The following TP63 variants were observed in gnomAD, a reference collection of about 807,000 sequenced individuals.
TP63 encodes the protein tumor protein 63.
In TP63, 17 loss-of-function variants were observed where a neutral mutation model predicts 82.8. The ratio of observed to expected loss-of-function variants is 0.21; its 90% CI spans 0.14 to 0.31. The LOEUF (loss-of-function observed/expected upper bound fraction) is 0.31, where lower values mean the gene tolerates loss of function less well. TP63 is among the 10% of genes least tolerant of loss of function. TP63 has a pLI of 1.00. For missense variants in TP63, 648 were observed against 895.3 expected, an observed-to-expected ratio of 0.72 and a Z score of 3.52; for synonymous variants, 330 against 321.7, an observed-to-expected ratio of 1.03 and a Z score of -0.28.
chr3:189,755,615 AT>A (rs753614398), intron 3 of TP63, among the ~76,000 whole-genome samples: 4 of 152,288 alleles, frequency 2.6e-5, no homozygotes, highest in East Asian at 3.9e-4. Flanking sequence ...TAAGAAAAAA[AT>A]ATTTAAATAT....
chr3:189,697,647 C>T (rs1370880684), intron 1 of TP63, among the ~76,000 whole-genome samples: 1 of 151,962 alleles, frequency 6.6e-6, no homozygotes, highest in Non-Finnish European at 1.5e-5. Context: ...TTGGGAGGAG[C>T]TAACATCTAG....
At chr3:189,611,691 G>A in the TP63 span, among the ~76,000 whole-genome samples, 1 of 152,148 alleles carries the variant, frequency 6.6e-6, no homozygotes, top group East Asian at 1.9e-4. Flanking sequence ...GATAGGAATA[G>A]CATTGTATCT....
intron 3 of TP63, among the ~76,000 whole-genome samples, chr3:189,743,414 T>C (rs1388101164): frequency 6.6e-6 from 1 of 152,176 alleles, no homozygotes; most frequent in Non-Finnish European, 1.5e-5. Flanking sequence ...ATTTATTTAA[T>C]TTTAAAGACA....
chr3:189,715,780 C>T lies in TP63; in HGVS notation c.63-21960C>T, dbSNP rs187765511. Among the ~76,000 whole-genome samples the T allele has an allele frequency of 2.9e-3, 443 of 152,222 alleles. 1 individual carries two copies. The highest frequency in any genetic ancestry group is 0.01 in the African/African-American group (422 of 41,534). ...ATAAATTTCTGTGCACTGATTTGGT[C>T]TGTTTGTTTTTCTTTTGTTAGAAAA... On this transcript the variant is annotated intron_variant, in intron 1 of 13. Coordinates refer to ENST00000264731, the MANE Select transcript of TP63 (RefSeq NM_003722.5).
At chr3:189,771,297 TA>T (rs1293306374) in intron 3 of TP63, among the ~76,000 whole-genome samples, 2 of 139,054 alleles carry the variant, frequency 1.4e-5, no homozygotes, top group Admixed American at 7.8e-5. Flanking sequence ...ATATATATTA[TA>T]TTTATATATA....
At position 189,896,122 on chromosome 3, in the gene TP63, T is replaced by C. The variant is rs34328757; in HGVS notation, c.*1620T>C. On this transcript the variant is annotated 3_prime_UTR_variant, in exon 14 of 14. Coordinates refer to ENST00000264731, the MANE Select transcript of TP63 (RefSeq NM_003722.5). ...TTTTTGCATGCATGCAAATGAGCTC[T>C]GAAATCTTCCCATGCATTCTGGTCA... 8.7e-3 allele frequency: 1,917 copies of C among 219,906 alleles called. 12 individuals are homozygous for C. Among genetic ancestry groups the C allele is most frequent in the Non-Finnish European group, 0.011 (1,188 of 109,346 alleles). 13.6% of individuals were successfully genotyped at this position (219,906 alleles called of 1,614,324 possible).
chr3:189,791,142 T>G (rs1183060242), intron 3 of TP63, among the ~76,000 whole-genome samples: 1 of 152,156 alleles, frequency 6.6e-6, no homozygotes, highest in Non-Finnish European at 1.5e-5. Context: ...CTTGATTCTA[T>G]TGGATCCAAT....
chr3:189,705,021 A>C (rs1718095452), intron 1 of TP63, among the ~76,000 whole-genome samples: 1 of 152,198 alleles, frequency 6.6e-6, no homozygotes, highest in African/African-American at 2.4e-5. Context: ...ATGATTTTTA[A>C]ATTTACATTC....
intron 3 of TP63, among the ~76,000 whole-genome samples, chr3:189,795,533 C>G (rs62279942): frequency 0.046 from 6,926 of 152,012 alleles, 209 homozygotes; most frequent in Admixed American, 0.076. Flanking sequence ...GGAGGAAAGA[C>G]ATTCTATGTA....
At chr3:189,735,008 T>C (rs1295332675) in intron 1 of TP63, among the ~76,000 whole-genome samples, 1 of 152,180 alleles carries the variant, frequency 6.6e-6, no homozygotes, top group Non-Finnish European at 1.5e-5. Context: ...AACACTAAAA[T>C]ATTTTGAGGG....
At chr3:189,828,194 T>TATCA in intron 4 of TP63, among the ~76,000 whole-genome samples, 1 of 150,794 alleles carries the variant, frequency 6.6e-6, no homozygotes, top group East Asian at 2.0e-4. Flanking sequence ...TGAGCTGAGA[T>TATCA]CGTGCCGCTG....
chr3:189,607,052 C>T, the TP63 span, among the ~76,000 whole-genome samples: 2 of 152,170 alleles, frequency 1.3e-5, no homozygotes, highest in Admixed American at 1.3e-4. Context: ...ATGACTGTGA[C>T]CTAGAACCAG....
intron 1 of TP63, among the ~76,000 whole-genome samples, chr3:189,677,334 A>T (rs941617418): frequency 7.1e-6 from 1 of 141,736 alleles, no homozygotes; most frequent in South Asian, 2.1e-4. Context: ...ACACATATTT[A>T]TATATATAAA....
chr3:189,748,116 G>A (rs1338166866), intron 3 of TP63, among the ~76,000 whole-genome samples: 1 of 151,962 alleles, frequency 6.6e-6, no homozygotes, highest in Non-Finnish European at 1.5e-5. Flanking sequence ...GAAGCTAAAA[G>A]CCTTTCCTCT....
At chr3:189,815,185 A>AC (rs1560212663) in intron 4 of TP63, among the ~76,000 whole-genome samples, 1 of 149,396 alleles carries the variant, frequency 6.7e-6, no homozygotes, top group Non-Finnish European at 1.5e-5. Flanking sequence ...ATCTTTCTTT[A>AC]TTTTTTTTTA....
chr3:189,667,427 C>T (rs1319137174), intron 1 of TP63, among the ~76,000 whole-genome samples: 1 of 151,974 alleles, frequency 6.6e-6, no homozygotes, highest in African/African-American at 2.4e-5. Flanking sequence ...CTCGCCTCTA[C>T]CTCCCAAAGT....
chr3:189,657,285 G>A (rs1031640202), intron 1 of TP63, among the ~76,000 whole-genome samples: 1 of 152,024 alleles, frequency 6.6e-6, no homozygotes, highest in Non-Finnish European at 1.5e-5. Context: ...TTATGAATTT[G>A]TCAAAACCAA....
chr3:189,600,701 C>T, the TP63 span, among the ~76,000 whole-genome samples: 1 of 152,160 alleles, frequency 6.6e-6, no homozygotes, highest in Non-Finnish European at 1.5e-5. Flanking sequence ...ACTAAAACTC[C>T]TTACTACCAG....
chr3:189,636,227 G>A (rs748809026), intron 1 of TP63, among the ~76,000 whole-genome samples: 1 of 152,114 alleles, frequency 6.6e-6, no homozygotes, highest in Admixed American at 6.6e-5. Flanking sequence ...GCGTCTGAGC[G>A]GTGAGTGCAT....
Sources: allele counts gnomAD v4.1 joint callset (sites outside exome capture counted in the v4.1 genomes callset), GRCh38; gene constraint gnomAD v4.1.1; transcripts MANE v1.5; gene names NCBI Gene and HGNC (gene_info 2026-07-23, HGNC 2026-07-21).